The following ABCC8 variants were observed in gnomAD, a reference collection of about 807,000 sequenced individuals.
The protein encoded by ABCC8 is ATP-binding cassette sub-family C member 8.
ABCC8 carries 137 observed loss-of-function variants against 188.0 expected under a neutral mutation model. That is an observed-to-expected ratio of 0.73 (90% confidence interval 0.63 to 0.84). ABCC8 has a LOEUF of 0.84. ABCC8 is among the 40% of genes least tolerant of loss of function. The probability of loss-of-function intolerance (pLI) is 0.00; values close to 1 mark genes in which losing one functional copy is unlikely to be tolerated. For synonymous variants in ABCC8, 797 were observed against 846.5 expected (o/e 0.94, Z 1.01); for missense variants, 1,750 against 2,072.7 (o/e 0.84, Z 3.02).
intron 16 of ABCC8, among the ~76,000 whole-genome samples, chr11:17,417,285 C>A (rs1456439903): frequency 1.3e-5 from 2 of 152,072 alleles, no homozygotes; most frequent in African/African-American, 2.4e-5. Context: ...TGAGAGGACA[C>A]AATCATTTCT....
chr11:17,432,181 A>T (rs1377191048), intron 11 of ABCC8, 23 bp downstream of exon 11: 1 of 1,552,178 alleles, frequency 6.4e-7, no homozygotes, highest in Admixed American at 2.0e-5. Flanking sequence ...TACCCCCAAG[A>T]GATGGAGAAA....
intron 10 of ABCC8, among the ~76,000 whole-genome samples, chr11:17,434,986 T>C (rs7951932): frequency 4.4e-3 from 152 of 34,928 alleles, no homozygotes; most frequent in African/African-American, 5.7e-3. Context: ...TGTGTTCGCG[T>C]GTGTGTGTGT....
At chr11:17,433,079 T>C (rs1165449342) in intron 10 of ABCC8, among the ~76,000 whole-genome samples, 1 of 152,172 alleles carries the variant, frequency 6.6e-6, no homozygotes, top group Non-Finnish European at 1.5e-5. Flanking sequence ...CTACACATCA[T>C]ACCTCATGGG....
intron 6 of ABCC8, among the ~76,000 whole-genome samples, chr11:17,455,065 G>T (rs1238286517): frequency 6.6e-6 from 1 of 152,182 alleles, no homozygotes; most frequent in African/African-American, 2.4e-5. Flanking sequence ...AACACATCAT[G>T]AGAATTTATC....
chr11:17,429,132 C>T (rs1955732268), intron 12 of ABCC8: 1 of 179,416 alleles, frequency 5.6e-6, no homozygotes, highest in Non-Finnish European at 1.2e-5. Flanking sequence ...TGTCATTACT[C>T]ACGGGGGAGG....
chr11:17,408,390 A>G lies in ABCC8; in HGVS notation c.2820+2T>C, dbSNP rs753292845. 1 of 1,612,804 alleles carries G rather than the reference A, an allele frequency of 6.2e-7. No individual in the cohort carries two copies. Among genetic ancestry groups the G allele is most frequent in the South Asian group, 1.1e-5 (1 of 91,028 alleles). ...TGCTTGGCCATCCCTGGATATACCC[A>G]CCTTCTCCAGCTCTTGGTCCTGTCG... On this transcript the variant is annotated splice_donor_variant, in intron 23 of 38. Coordinates refer to ENST00000389817, the MANE Select transcript of ABCC8 (RefSeq NM_000352.6). LOFTEE classifies it high-confidence loss of function.
At chr11:17,476,503 A>G in intron 1 of ABCC8, 126 bp downstream of exon 1, 1 of 1,192,392 alleles carries the variant, frequency 8.4e-7, no homozygotes, top group Non-Finnish European at 1.2e-6. Flanking sequence ...AGGGCAGGGG[A>G]CCCCGGGAAC....
chr11:17,403,514 C>T (rs1331531936), intron 28 of ABCC8, among the ~76,000 whole-genome samples: 2 of 152,150 alleles, frequency 1.3e-5, no homozygotes, highest in Non-Finnish European at 2.9e-5. Flanking sequence ...CATTCTGGAT[C>T]ATCCAAGCAA....
chr11:17,440,293 T>C (rs1956264812), intron 10 of ABCC8, among the ~76,000 whole-genome samples: 1 of 152,198 alleles, frequency 6.6e-6, no homozygotes, highest in African/African-American at 2.4e-5. Context: ...CTGTTCCTAC[T>C]GCTGGGAACT....
chr11:17,450,310 CTTTCTTTCTT>C (rs1212829075), intron 7 of ABCC8, among the ~76,000 whole-genome samples: 107 of 125,766 alleles, frequency 8.5e-4, no homozygotes, highest in East Asian at 8.1e-3. Flanking sequence ...TTCTTTCTTT[CTTTCTTTCTT>C]TCTTTCTCTC....
rs1954546068 is a variant in ABCC8 at position 17,406,745 on chromosome 11, A to G, written c.3206T>C (p.Val1069Ala). 2.5e-6 allele frequency: 4 copies of G among 1,614,098 alleles called. No homozygotes were observed. Among genetic ancestry groups the G allele is most frequent in the Non-Finnish European group, 3.4e-6 (4 of 1,180,044 alleles). ...DQTVYAMVFT[V>A]LCSLGIVLCL... Reference sequence around the variant, plus strand: ...CAGCACAATGCCCAGGCTGCAGAGCACCGTGAACACCATGGCATAGACAGT... The same window carrying G: ...CAGCACAATGCCCAGGCTGCAGAGCGCCGTGAACACCATGGCATAGACAGT... Residue 1069 changes from valine (V) to alanine (A), a missense_variant, in exon 26 of 39, where the codon GTG becomes GCG. Val to Ala is a moderately conservative substitution (Grantham distance 64, BLOSUM62 0). Coordinates refer to ENST00000389817, the MANE Select transcript of ABCC8 (RefSeq NM_000352.6).
intron 14 of ABCC8, 79 bp downstream of exon 14, chr11:17,428,210 C>G (rs756207261): frequency 4.2e-5 from 67 of 1,602,134 alleles, no homozygotes; most frequent in Non-Finnish European, 5.6e-5. Flanking sequence ...ACTAAGCATG[C>G]AGCTTTCTGG....
At chr11:17,410,729 C>A in intron 21 of ABCC8, 76 bp from the exon 22 acceptor site, 1 of 1,594,292 alleles carries the variant, frequency 6.3e-7, no homozygotes, top group Non-Finnish European at 8.6e-7. Flanking sequence ...AGTATAAAAC[C>A]CATTAGAGTT....
chr11:17,396,827 G>A (rs1272895263), intron 33 of ABCC8, 89 bp downstream of exon 33: 8 of 1,541,198 alleles, frequency 5.2e-6, no homozygotes, highest in Non-Finnish European at 7.1e-6. Flanking sequence ...GGAGGGCCAC[G>A]AGGTGACTGC....
Position 17,442,814 on chromosome 11 carries a change from GTACAGCTTCAGCAGC to G in ABCC8, c.1521_1535del (p.Lys507_Tyr512delinsAsn). The G allele has an allele frequency of 1.2e-6, 2 of 1,614,104 alleles. No individual in the cohort carries two copies. The highest frequency in any genetic ancestry group is 1.7e-6 in the Non-Finnish European group (2 of 1,180,034). The stretch of plus-strand genomic sequence containing the variant: ...GCGTGCGGAAGATGTTCTCCCAGGC[GTACAGCTTCAGCAGC>G]TTGATGCCGCGGAGCATCTCGTTGG... On this transcript the variant is annotated inframe_deletion, in exon 10 of 39. Coordinates refer to ENST00000389817, the MANE Select transcript of ABCC8 (RefSeq NM_000352.6).
chr11:17,401,618 G>A (rs1954248406), intron 29 of ABCC8, among the ~76,000 whole-genome samples: 1 of 152,176 alleles, frequency 6.6e-6, no homozygotes, highest in East Asian at 1.9e-4. Flanking sequence ...CATACTTCGT[G>A]CAGCTGTGCC....
In ABCC8 at chr11:17,407,029, G is replaced by A. The variant is rs556199509; in HGVS notation, c.3021C>T (p.Ala1007=). ...CCAGCAACGACAGGAGCAGGATGCC[G>A]GCGGAGGACAGGTACTTGGCGCAGG... The part of the protein sequence containing the change: ...WRACAKYLSS[A]GILLLSLLVF... Residue 1007 remains alanine (A), a synonymous_variant, in exon 25 of 39, where the codon GCC becomes GCT. Coordinates refer to ENST00000389817, the MANE Select transcript of ABCC8 (RefSeq NM_000352.6). 15 of 1,614,168 alleles carry A rather than the reference G, an allele frequency of 9.3e-6. No individual in the cohort carries two copies. Among genetic ancestry groups the A allele is most frequent in the South Asian group, 3.3e-5 (3 of 91,084 alleles).
intron 26 of ABCC8, among the ~76,000 whole-genome samples, chr11:17,406,285 G>T (rs945757518): frequency 6.6e-6 from 1 of 152,150 alleles, no homozygotes; most frequent in Non-Finnish European, 1.5e-5. Context: ...TGAGGGGAGG[G>T]CAGGGAGCTG....
chr11:17,467,335 T>C (rs2883580), intron 3 of ABCC8, among the ~76,000 whole-genome samples: 11,843 of 152,230 alleles, frequency 0.078, 659 homozygotes, highest in African/African-American at 0.16. Context: ...AAGAATCCGC[T>C]TGAACCCAGG....
Sources: gnomAD v4.1 joint callset for allele counts (sites outside exome capture counted in the v4.1 genomes callset) on GRCh38, gnomAD v4.1.1 for gene constraint, MANE v1.5 for transcripts, NCBI Gene and HGNC (gene_info 2026-07-23, HGNC 2026-07-21) for gene names.